Variants in TBXAS1 observed in about 807,000 individuals in gnomAD.
The protein encoded by TBXAS1 is thromboxane-A synthase.
Under a neutral mutation model 60.7 loss-of-function variants are expected in TBXAS1, and 48 were observed. That is an observed-to-expected ratio of 0.79 (90% confidence interval 0.63 to 1.01). The LOEUF is 1.01. Ranked by LOEUF, TBXAS1 falls within the 50% of genes least tolerant of loss-of-function variation. TBXAS1 has a pLI of 0.00. For missense variants in TBXAS1, 685 were observed against 686.3 expected (o/e 1.00, Z 0.02); for synonymous variants, 287 against 269.7 (o/e 1.06, Z -0.63).
chr7:139,920,127 C>T (rs1276584150), intron 4 of TBXAS1, among the ~76,000 whole-genome samples: 1 of 152,246 alleles, frequency 6.6e-6, no homozygotes, highest in Non-Finnish European at 1.5e-5. Context: ...CAGGGAGGGT[C>T]AGAGACTGTG....
intron 4 of TBXAS1, among the ~76,000 whole-genome samples, chr7:139,788,840 C>T (rs78991185): frequency 0.022 from 3,319 of 152,256 alleles, 116 homozygotes; most frequent in African/African-American, 0.076. Context: ...ACAAATAGAT[C>T]GGGCCTGGAC....
At chr7:139,977,408 G>T (rs1811643275) in intron 9 of TBXAS1, among the ~76,000 whole-genome samples, 1 of 152,098 alleles carries the variant, frequency 6.6e-6, no homozygotes, top group South Asian at 2.1e-4. Flanking sequence ...AACAGCACGG[G>T]AAAGACTCGC....
At chr7:139,914,588 C>A (rs1000151107) in intron 4 of TBXAS1, among the ~76,000 whole-genome samples, 1 of 152,120 alleles carries the variant, frequency 6.6e-6, no homozygotes, top group Non-Finnish European at 1.5e-5. Context: ...CTGCTTCTCA[C>A]AAGAAAACCC....
intron 9 of TBXAS1, among the ~76,000 whole-genome samples, chr7:139,987,185 G>C (rs1261076925): frequency 3.9e-5 from 6 of 152,102 alleles, no homozygotes; most frequent in Admixed American, 3.9e-4. Context: ...CATCGGCCTG[G>C]GCATTTGGCA....
chr7:139,947,031 C>T (rs1440809159), intron 5 of TBXAS1, among the ~76,000 whole-genome samples: 2 of 152,180 alleles, frequency 1.3e-5, no homozygotes, highest in Non-Finnish European at 2.9e-5. Context: ...GCTCTCAGCC[C>T]TTCTTGGTCG....
intron 1 of TBXAS1, among the ~76,000 whole-genome samples, chr7:139,853,045 G>A (rs1436042733): frequency 2.6e-5 from 4 of 151,604 alleles, no homozygotes; most frequent in Non-Finnish European, 4.4e-5. Context: ...TCACTTTACT[G>A]AAGCCCCAGC....
chr7:139,923,637 T>G (rs557571179), intron 4 of TBXAS1, among the ~76,000 whole-genome samples: 1 of 152,182 alleles, frequency 6.6e-6, no homozygotes, highest in South Asian at 2.1e-4. Context: ...CCAATTATAA[T>G]CATTTATTTT....
intron 2 of TBXAS1, among the ~76,000 whole-genome samples, chr7:139,873,550 A>G (rs1801986545): frequency 6.6e-6 from 1 of 152,226 alleles, no homozygotes; most frequent in African/African-American, 2.4e-5. Context: ...AAGTGAGTCA[A>G]ACATAAGCCT....
At chr7:140,015,577 G>T in intron 10 of TBXAS1, 146 bp from the exon 11 acceptor site, 1 of 926,180 alleles carries the variant, frequency 1.1e-6, no homozygotes, top group East Asian at 2.5e-5. Flanking sequence ...GGCTGAGCAG[G>T]GGGTCCTCTG....
At chr7:139,834,170 T>C (rs544883995) in intron 1 of TBXAS1, among the ~76,000 whole-genome samples, 130 of 152,234 alleles carry the variant, frequency 8.5e-4, no homozygotes, top group African/African-American at 3.0e-3. Flanking sequence ...TTCAAAACCA[T>C]GCAAACACAT....
chr7:139,986,730 TATATATATA>T (rs758280075), intron 9 of TBXAS1, among the ~76,000 whole-genome samples: 1 of 42,204 alleles, frequency 2.4e-5, no homozygotes, highest in Admixed American at 3.2e-4. Flanking sequence ...ATCATATATA[TATATATATA>T]CATACATATA....
intron 10 of TBXAS1, among the ~76,000 whole-genome samples, chr7:140,011,201 T>C (rs1028468130): frequency 2.6e-5 from 4 of 151,494 alleles, no homozygotes; most frequent in African/African-American, 9.7e-5. Context: ...TGCTTGAATC[T>C]GGGAGGCGGA....
At chr7:140,010,988 AC>A in intron 10 of TBXAS1, among the ~76,000 whole-genome samples, 1 of 151,750 alleles carries the variant, frequency 6.6e-6, no homozygotes, top group Non-Finnish European at 1.5e-5. Context: ...AAAAAAAAAA[AC>A]AGTCCCGGCC....
chr7:139,961,650 GC>G (rs1245083335), intron 8 of TBXAS1, among the ~76,000 whole-genome samples: 2 of 152,200 alleles, frequency 1.3e-5, no homozygotes, highest in African/African-American at 4.8e-5. Flanking sequence ...TTTCACATCA[GC>G]CCAGATAGAA....
At position 139,896,838 on chromosome 7, in the gene TBXAS1, G is replaced by A. The variant is rs577517434; in HGVS notation, c.237-14387G>A. Among the ~76,000 whole-genome samples the A allele has an allele frequency of 2.0e-5, 3 of 152,340 alleles. No homozygotes were observed. The South Asian group carries it at 6.2e-4, about 32-fold the overall frequency. The stretch of plus-strand genomic sequence containing the variant: ...CTGAAGGGCCCCTGCTTGGTTACAA[G>A]TGAAGAAGCTTAAACTTGCTTCAAA... On this transcript the variant is annotated intron_variant, in intron 3 of 12. Transcript: ENST00000448866. This position sits in a 1 kb window ranked among gnomAD's most constrained non-coding sequence, Gnocchi z 4.0.
At chr7:139,927,755 T>G (rs1047325489) in intron 4 of TBXAS1, among the ~76,000 whole-genome samples, 1 of 152,184 alleles carries the variant, frequency 6.6e-6, no homozygotes, top group Non-Finnish European at 1.5e-5. Flanking sequence ...TTTGTAGGTA[T>G]TTAATAGTTT....
intron 4 of TBXAS1, among the ~76,000 whole-genome samples, chr7:139,927,026 ACT>A (rs1806938274): frequency 6.6e-6 from 1 of 151,604 alleles, no homozygotes; most frequent in African/African-American, 2.4e-5. Flanking sequence ...AGACAGTCTC[ACT>A]CTGTCACCCA....
chr7:139,960,083 C>A (rs1388764995), intron 8 of TBXAS1, among the ~76,000 whole-genome samples: 3 of 152,184 alleles, frequency 2.0e-5, no homozygotes, highest in Non-Finnish European at 2.9e-5. Flanking sequence ...CGACCCTCAC[C>A]ATTTTCTCAG....
chr7:139,827,946 T>C (rs1381976024), upstream of TBXAS1, among the ~76,000 whole-genome samples: 1 of 152,236 alleles, frequency 6.6e-6, no homozygotes, highest in Non-Finnish European at 1.5e-5. Flanking sequence ...GATAACCTGA[T>C]GACAATGTGC....
Sources: allele counts gnomAD v4.1 joint callset (sites outside exome capture counted in the v4.1 genomes callset), GRCh38; gene constraint gnomAD v4.1.1; non-coding constraint Gnocchi (gnomAD v3.1); transcripts MANE v1.5; gene names NCBI Gene and HGNC (gene_info 2026-07-23, HGNC 2026-07-21).